Variants in CD44 observed in about 807,000 individuals in gnomAD.
CD44 encodes the protein CD44 molecule (IN blood group).
In CD44, 49 loss-of-function variants were observed where a neutral mutation model predicts 88.8. The observed-to-expected ratio is 0.55, with a 90% confidence interval of 0.44 to 0.70. The LOEUF (loss-of-function observed/expected upper bound fraction) is 0.70. CD44 is among the 30% of genes least tolerant of loss of function. The pLI is 0.00. For synonymous variants in CD44, 325 were observed against 312.3 expected (o/e 1.04, Z -0.43); for missense variants, 883 against 913.8 (o/e 0.97, Z 0.43).
chr11:35,225,402 C>CA (rs1949629116), intron 17 of CD44, among the ~76,000 whole-genome samples: 1 of 152,192 alleles, frequency 6.6e-6, no homozygotes. Flanking sequence ...GGTGAGGTCT[C>CA]AGTCTGCCTC....
intron 4 of CD44, among the ~76,000 whole-genome samples, chr11:35,187,263 G>T (rs566715576): frequency 6.6e-6 from 1 of 151,778 alleles, no homozygotes; most frequent in East Asian, 1.9e-4. Flanking sequence ...AACAGAGTGA[G>T]ACTCCATTTC....
chr11:35,164,133 C>T (rs559770811), intron 1 of CD44, among the ~76,000 whole-genome samples: 33 of 152,124 alleles, frequency 2.2e-4, no homozygotes, highest in African/African-American at 8.0e-4. Flanking sequence ...GTTACAGCCA[C>T]ATCCATTACC....
chr11:35,139,481 T>G, intron 1 of CD44, 111 bp downstream of exon 1: 2 of 966,070 alleles, frequency 2.1e-6, no homozygotes, highest in South Asian at 1.4e-5. Flanking sequence ...TCAAGTGAGC[T>G]GTCTGCGAAG....
chr11:35,229,569 C>T lies in CD44; in HGVS notation c.*236C>T, dbSNP rs1357077369. On this transcript the variant is annotated 3_prime_UTR_variant, in exon 18 of 18. Transcript: ENST00000428726. ...AATTAATAATCAGCAAGAATTTGAT[C>T]GTTCCAGTTCCCACTTGGAGGCCTT... 14 of 507,196 alleles carry T rather than the reference C, an allele frequency of 2.8e-5. No individual in the cohort carries two copies. Among genetic ancestry groups the T allele is most frequent in the Non-Finnish European group, 4.2e-5 (12 of 283,508 alleles). 31.4% of individuals were successfully genotyped at this position (507,196 alleles called of 1,614,324 possible). A position where few individuals can be genotyped will look rare whatever the true frequency, so the allele number is the denominator to read the frequency against.
intron 12 of CD44, among the ~76,000 whole-genome samples, chr11:35,209,733 T>A (rs1443760706): frequency 6.6e-6 from 1 of 152,202 alleles, no homozygotes; most frequent in Non-Finnish European, 1.5e-5. Flanking sequence ...ACCTTGCCAC[T>A]TTACCTTTGA....
rs542487660 is a variant in CD44 at position 35,166,643 on chromosome 11, C to T, written c.68-9932C>T. Among the ~76,000 whole-genome samples, 368 of 152,268 alleles carry T rather than the reference C, an allele frequency of 2.4e-3. 1 individual carries two copies. Among genetic ancestry groups the T allele is most frequent in the Non-Finnish European group, 3.9e-3 (265 of 68,016 alleles). On this transcript the variant is annotated intron_variant, in intron 1 of 17. Coordinates refer to ENST00000428726, the MANE Select transcript of CD44 (RefSeq NM_000610.4). ...CTGCCATGACAGGCTCCAGGCTCCA[C>T]GGAAAAAAGGCAGAGAAATCAGGGG...
intron 3 of CD44, among the ~76,000 whole-genome samples, chr11:35,182,024 TAA>T (rs1945187500): frequency 8.1e-6 from 1 of 123,478 alleles, no homozygotes; most frequent in South Asian, 2.2e-4. Flanking sequence ...TATGTATATA[TAA>T]ATATATACAC....
chr11:35,214,602 T>A, intron 14 of CD44: 1 of 364,208 alleles, frequency 2.7e-6, no homozygotes, highest in Non-Finnish European at 4.9e-6. Flanking sequence ...CCTGTGGTCA[T>A]CCTTCTTAGC....
chr11:35,157,543 C>T (rs549861772), intron 1 of CD44, among the ~76,000 whole-genome samples: 1 of 152,118 alleles, frequency 6.6e-6, no homozygotes, highest in African/African-American at 2.4e-5. Context: ...CTATATCTAT[C>T]ATCTTTTAAC....
chr11:35,175,147 T>C (rs1451061009), intron 1 of CD44, among the ~76,000 whole-genome samples: 5 of 152,168 alleles, frequency 3.3e-5, no homozygotes, highest in African/African-American at 1.2e-4. Flanking sequence ...CAGATACAAA[T>C]ATTCTAGGAT....
At chr11:35,225,764 C>T (rs756683151) in intron 17 of CD44, among the ~76,000 whole-genome samples, 20 of 152,064 alleles carry the variant, frequency 1.3e-4, no homozygotes, top group Non-Finnish European at 2.4e-4. Context: ...TTGCAGTGAG[C>T]CGAGATAGTG....
intron 17 of CD44, among the ~76,000 whole-genome samples, chr11:35,228,131 G>A (rs544830491): frequency 6.6e-6 from 1 of 152,258 alleles, no homozygotes; most frequent in East Asian, 1.9e-4. Flanking sequence ...ATATGTTACA[G>A]GAAAGAGGAA....
chr11:35,172,468 A>G (rs1023050209), intron 1 of CD44, among the ~76,000 whole-genome samples: 1 of 152,180 alleles, frequency 6.6e-6, no homozygotes, highest in African/African-American at 2.4e-5. Context: ...GATGCTGGCC[A>G]TTGTTTCTGC....
chr11:35,197,016 C>G (rs145935565), intron 6 of CD44, 142 bp downstream of exon 6: 2 of 746,496 alleles, frequency 2.7e-6, no homozygotes, highest in African/African-American at 1.8e-5. Context: ...ATCATTAACT[C>G]TGGTATCTGT....
intron 3 of CD44, among the ~76,000 whole-genome samples, chr11:35,181,409 T>G (rs1165500202): frequency 6.6e-6 from 1 of 152,054 alleles, no homozygotes; most frequent in African/African-American, 2.4e-5. Context: ...TCATGAATTT[T>G]CAGAATTTTT....
chr11:35,161,677 G>T (rs997879329), intron 1 of CD44, among the ~76,000 whole-genome samples: 4 of 152,180 alleles, frequency 2.6e-5, no homozygotes, highest in Non-Finnish European at 5.9e-5. Context: ...GACCCAAATG[G>T]AACTCTTATC....
At chr11:35,180,483 A>T in intron 3 of CD44, 76 bp downstream of exon 3, 1 of 1,497,564 alleles carries the variant, frequency 6.7e-7, no homozygotes, top group Non-Finnish European at 9.3e-7. Context: ...TTAAGTGGGG[A>T]TTCATGTAGC....
At chr11:35,217,662 C>G (rs755919483) in intron 15 of CD44, among the ~76,000 whole-genome samples, 42 of 152,300 alleles carry the variant, frequency 2.8e-4, no homozygotes, top group Non-Finnish European at 5.7e-4. Flanking sequence ...CATCCTGTCC[C>G]CATATAACCA....
intron 13 of CD44, 100 bp downstream of exon 13, chr11:35,210,154 C>T: frequency 1.6e-6 from 1 of 634,878 alleles, no homozygotes; most frequent in Non-Finnish European, 2.7e-6. Flanking sequence ...CCATTAGCTG[C>T]CGTTACACTG....
Sources: allele counts gnomAD v4.1 joint callset (sites outside exome capture counted in the v4.1 genomes callset), GRCh38; gene constraint gnomAD v4.1.1; transcripts MANE v1.5; gene names NCBI Gene and HGNC (gene_info 2026-07-23, HGNC 2026-07-21).